The following GALNT14 variants were observed in gnomAD, a reference collection of about 807,000 sequenced individuals.
The protein encoded by GALNT14 is polypeptide N-acetylgalactosaminyltransferase 14.
In GALNT14, 60 loss-of-function variants were observed where a neutral mutation model predicts 77.5. The observed-to-expected ratio is 0.77, with a 90% CI of 0.63 to 0.96. The LOEUF is 0.96. Among genes scored for constraint, GALNT14 ranks in the 40% least tolerant of loss-of-function variants. The probability of loss-of-function intolerance (pLI) is 0.00; values close to 1 mark genes in which losing one functional copy is unlikely to be tolerated. For missense variants in GALNT14, 710 were observed against 731.0 expected (o/e 0.97, Z 0.33); for synonymous variants, 280 against 281.7 (o/e 0.99, Z 0.06).
At chr2:31,071,600 C>T (rs76942750) in intron 1 of GALNT14, among the ~76,000 whole-genome samples, 9,429 of 152,122 alleles carry the variant, frequency 0.062, 300 homozygotes, top group South Asian at 0.085. Flanking sequence ...TGTCCCGGGC[C>T]TACCTCTCCT....
chr2:31,129,664 G>C, intron 1 of GALNT14: 1 of 985,338 alleles, frequency 1.0e-6, no homozygotes, highest in East Asian at 1.1e-4. Flanking sequence ...CCTGCATGTT[G>C]CAGCTGCGAG....
chr2:31,093,039 A>C (rs1676830088), intron 1 of GALNT14, among the ~76,000 whole-genome samples: 1 of 152,176 alleles, frequency 6.6e-6, no homozygotes, highest in South Asian at 2.1e-4. Context: ...CTCCTGTCTG[A>C]GGTTCGTTCC....
chr2:31,087,593 G>C (rs1676510981), intron 1 of GALNT14, among the ~76,000 whole-genome samples: 1 of 127,474 alleles, frequency 7.8e-6, no homozygotes, highest in African/African-American at 2.9e-5. Context: ...GAGAAGGAAA[G>C]AGGCTGGGAG....
intron 1 of GALNT14, among the ~76,000 whole-genome samples, chr2:31,059,610 CAGG>C (rs1674458754): frequency 6.6e-6 from 1 of 152,126 alleles, no homozygotes; most frequent in African/African-American, 2.4e-5. Flanking sequence ...AGAGGCTGAG[CAGG>C]AGGATTGCTT....
chr2:30,999,593 A>G (rs1291124012), intron 1 of GALNT14, among the ~76,000 whole-genome samples: 3 of 152,186 alleles, frequency 2.0e-5, no homozygotes, highest in African/African-American at 7.2e-5. Flanking sequence ...ACCCTGCCAT[A>G]TGTGTGCTAT....
intron 1 of GALNT14, among the ~76,000 whole-genome samples, chr2:31,051,077 G>C (rs921994718): frequency 1.3e-5 from 2 of 152,124 alleles, no homozygotes; most frequent in African/African-American, 4.8e-5. Flanking sequence ...AAATGAACAG[G>C]GTGGAAAACC....
intron 1 of GALNT14, among the ~76,000 whole-genome samples, chr2:31,013,739 C>T (rs1158169510): frequency 6.6e-6 from 1 of 152,142 alleles, no homozygotes; most frequent in Non-Finnish European, 1.5e-5. Context: ...GCCATTTCTG[C>T]TTTATATATG....
chr2:31,109,640 C>T (rs965386141), intron 1 of GALNT14, among the ~76,000 whole-genome samples: 11 of 152,202 alleles, frequency 7.2e-5, no homozygotes, highest in African/African-American at 2.2e-4. Context: ...TGCGGCAGTG[C>T]GGACAGATTG....
rs903696849 is a variant in GALNT14 at position 30,938,425 on chromosome 2, C to T, written c.931+3776G>A. Among the ~76,000 whole-genome samples the T allele has an allele frequency of 3.3e-5, 5 of 151,614 alleles. No homozygotes were observed. In the South Asian group the frequency reaches 6.2e-4, roughly 19 times the overall value. ...TCTCTCTCTAACAGACTCCTTTTAT[C>T]TCTAAAGACCAAAAGCTAAAAGTAG... On this transcript the variant is annotated intron_variant, in intron 9 of 14. Coordinates refer to ENST00000349752, the MANE Select transcript of GALNT14 (RefSeq NM_024572.4).
the GALNT14 span, among the ~76,000 whole-genome samples, chr2:30,897,530 C>T: frequency 6.6e-6 from 1 of 152,222 alleles, no homozygotes; most frequent in South Asian, 2.1e-4. Flanking sequence ...AGAGCTGGAG[C>T]TGGCGATATT....
intron 1 of GALNT14, chr2:31,079,184 AAGTTG>A: frequency 3.5e-6 from 2 of 578,376 alleles, no homozygotes; most frequent in Non-Finnish European, 5.0e-6. Context: ...ATCAGTGTGG[AAGTTG>A]GCTGGACAAG....
chr2:31,091,974 G>A (rs989971590), intron 1 of GALNT14, among the ~76,000 whole-genome samples: 17 of 152,106 alleles, frequency 1.1e-4, no homozygotes, highest in South Asian at 2.1e-4. Flanking sequence ...AAGGTGGAAG[G>A]AGCCAACTTC....
intron 1 of GALNT14, among the ~76,000 whole-genome samples, chr2:31,093,910 C>G (rs1676878738): frequency 6.6e-6 from 1 of 152,212 alleles, no homozygotes; most frequent in African/African-American, 2.4e-5. Flanking sequence ...CTCAATCATG[C>G]TGATTCACTG....
chr2:30,895,795 C>G, the GALNT14 span, among the ~76,000 whole-genome samples: 30 of 152,122 alleles, frequency 2.0e-4, no homozygotes, highest in Non-Finnish European at 3.8e-4. Flanking sequence ...TCCCTGCTCT[C>G]TCTCTCAAAG....
intron 1 of GALNT14, among the ~76,000 whole-genome samples, chr2:31,001,603 A>C (rs979927459): frequency 1.3e-5 from 2 of 152,158 alleles, no homozygotes; most frequent in African/African-American, 4.8e-5. Flanking sequence ...ATTCCCACAA[A>C]GCTCATCAAA....
chr2:31,136,754 CGACTTAAGGTACGT>C (rs1679245310), intron 1 of GALNT14, among the ~76,000 whole-genome samples: 1 of 152,122 alleles, frequency 6.6e-6, no homozygotes, highest in African/African-American at 2.4e-5. Context: ...ACCAGTAGAA[CGACTTAAGGTACGT>C]GACTTAAAGA....
intron 1 of GALNT14, among the ~76,000 whole-genome samples, chr2:31,064,879 G>A (rs1338508008): frequency 1.3e-5 from 2 of 151,848 alleles, no homozygotes; most frequent in Non-Finnish European, 2.9e-5. Context: ...CCCATTGTCT[G>A]TATTGATCTC....
intron 1 of GALNT14, among the ~76,000 whole-genome samples, chr2:31,035,553 A>ATGTGTGTGTGTGTGTG (rs573163116): frequency 2.9e-4 from 38 of 129,516 alleles, no homozygotes; most frequent in East Asian, 5.2e-4. Context: ...GATAAAGAAA[A>ATGTGTGTGTGTGTGTG]TGTGTGTGTG....
chr2:31,103,210 A>AG (rs1677373507), intron 1 of GALNT14, among the ~76,000 whole-genome samples: 1 of 152,040 alleles, frequency 6.6e-6, no homozygotes, highest in Admixed American at 6.6e-5. Context: ...TTGTTCTTCC[A>AG]GTGTGATTCT....
Sources: gnomAD v4.1 joint callset for allele counts (sites outside exome capture counted in the v4.1 genomes callset) on GRCh38, gnomAD v4.1.1 for gene constraint, MANE v1.5 for transcripts, NCBI Gene and HGNC (gene_info 2026-07-23, HGNC 2026-07-21) for gene names.